Variants in CYB5R4 observed in about 807,000 individuals in gnomAD.
The protein encoded by CYB5R4 is N-terminal cytochrome b5 and cytochrome b5 oxidoreductase domain-containing protein.
Under a neutral mutation model 70.2 loss-of-function variants are expected in CYB5R4, and 55 were observed. That is an observed-to-expected ratio of 0.78 (90% CI 0.63 to 0.98). CYB5R4 has a LOEUF of 0.98. CYB5R4 is among the 50% of genes least tolerant of loss of function. The pLI, the probability that CYB5R4 is intolerant of heterozygous loss-of-function variation, is 0.00. For missense variants in CYB5R4, 562 were observed against 612.6 expected, an observed-to-expected ratio of 0.92 and a Z score of 0.87; for synonymous variants, 197 against 199.5, an observed-to-expected ratio of 0.99 and a Z score of 0.11.
intron 12 of CYB5R4, among the ~76,000 whole-genome samples, chr6:83,939,518 G>C (rs1056663022): frequency 3.9e-5 from 6 of 152,122 alleles, no homozygotes; most frequent in Non-Finnish European, 7.4e-5. Flanking sequence ...CAAAAATTTG[G>C]TAGAAGAGAA....
intron 2 of CYB5R4, among the ~76,000 whole-genome samples, chr6:83,865,611 T>C (rs1245986695): frequency 1.3e-5 from 2 of 152,158 alleles, no homozygotes; most frequent in Non-Finnish European, 2.9e-5. Context: ...ACCCTAATCA[T>C]ACTCGATTAG....
chr6:83,908,399 A>G (rs922758091), intron 3 of CYB5R4, among the ~76,000 whole-genome samples: 6 of 152,194 alleles, frequency 3.9e-5, no homozygotes, highest in African/African-American at 1.2e-4. Flanking sequence ...AAATCAAACA[A>G]TCACCTAAGT....
rs144658748 is a variant in CYB5R4 at position 83,917,938 on chromosome 6, G to T, written c.446-67G>T. 2.5e-6 allele frequency: 3 copies of T among 1,211,670 alleles called. No individual in the cohort carries two copies. In the African/African-American group the frequency reaches 4.5e-5, roughly 18 times the overall value. The allele number at this position is 1,211,670 out of a possible 1,614,324, so 75.1% of individuals were successfully genotyped here. A position where few individuals can be genotyped will look rare whatever the true frequency, so the allele number is the denominator to read the frequency against. On this transcript the variant is annotated intron_variant, in intron 5 of 15. Coordinates refer to ENST00000369681, the MANE Select transcript of CYB5R4 (RefSeq NM_016230.4). ...AATATATGTGATATTTCACTAAGAA[G>T]TTAACTTAAAAGACAAAAAGTTAAA... is the stretch of plus-strand genomic sequence containing the variant.
At chr6:83,910,064 C>T (rs1297666579) in intron 4 of CYB5R4, 16 of 1,612,262 alleles carry the variant, frequency 9.9e-6, no homozygotes, top group Non-Finnish European at 1.3e-5. Context: ...TTGGTTCATC[C>T]TAGGCAAACT....
At chr6:83,910,488 T>C (rs2099464510) in intron 4 of CYB5R4, among the ~76,000 whole-genome samples, 1 of 152,114 alleles carries the variant, frequency 6.6e-6, no homozygotes, top group Non-Finnish European at 1.5e-5. Flanking sequence ...GCCAGAAAGA[T>C]TTAAGGGAAA....
At position 83,962,323 on chromosome 6, in the gene CYB5R4, A is replaced by G. The variant is rs1191441522; in HGVS notation, c.*2445A>G. The stretch of plus-strand genomic sequence containing the variant: ...AGGACTTGGAGGAAAAAATCCCCTA[A>G]GTAGAGCCTCAGTCTTCCAATGAAT... On this transcript the variant is annotated 3_prime_UTR_variant, in exon 16 of 16. Transcript: ENST00000369681. 1.3e-5 allele frequency: 2 copies of G among 152,146 alleles called. No homozygotes were observed. The highest frequency in any genetic ancestry group is 2.9e-5 in the Non-Finnish European group (2 of 68,028). The allele number at this position is 152,146 out of a possible 1,614,324, so 9.4% of individuals were successfully genotyped here.
chr6:83,878,383 T>G (rs1032253406), intron 2 of CYB5R4, among the ~76,000 whole-genome samples: 14 of 152,074 alleles, frequency 9.2e-5, no homozygotes, highest in Non-Finnish European at 1.6e-4. Context: ...AGTCCTGCTC[T>G]GTCACCCAGG....
At chr6:83,892,765 CT>C (rs898420269) in intron 2 of CYB5R4, among the ~76,000 whole-genome samples, 3 of 151,902 alleles carry the variant, frequency 2.0e-5, no homozygotes, top group African/African-American at 7.3e-5. Context: ...GAGCTTGATT[CT>C]TTTTTCATCA....
intron 13 of CYB5R4, 104 bp from the exon 14 acceptor site, chr6:83,940,411 A>G: frequency 8.8e-7 from 1 of 1,140,350 alleles, no homozygotes; most frequent in Non-Finnish European, 1.2e-6. Flanking sequence ...TTAGTTACCT[A>G]CTGGGCACTA....
chr6:83,937,336 AG>A (rs1186852340), intron 12 of CYB5R4, among the ~76,000 whole-genome samples: 1 of 152,062 alleles, frequency 6.6e-6, no homozygotes, highest in Non-Finnish European at 1.5e-5. Flanking sequence ...CACTTTATGG[AG>A]CCCTCCTCTT....
At chr6:83,892,512 A>G (rs2099461260) in intron 2 of CYB5R4, among the ~76,000 whole-genome samples, 1 of 152,202 alleles carries the variant, frequency 6.6e-6, no homozygotes, top group African/African-American at 2.4e-5. Context: ...TCAAGAATGA[A>G]AAAGCAACTT....
At chr6:83,891,264 T>C (rs1025318487) in intron 2 of CYB5R4, among the ~76,000 whole-genome samples, 1 of 152,224 alleles carries the variant, frequency 6.6e-6, no homozygotes, top group Non-Finnish European at 1.5e-5. Context: ...AACTTTCATA[T>C]GCACTGGGAA....
intron 10 of CYB5R4, among the ~76,000 whole-genome samples, chr6:83,926,558 G>A (rs2099467317): frequency 6.6e-6 from 1 of 151,922 alleles, no homozygotes; most frequent in Non-Finnish European, 1.5e-5. Flanking sequence ...AAAAATACCA[G>A]TCACAATGAA....
intron 12 of CYB5R4, 47 bp from the exon 13 acceptor site, chr6:83,940,009 T>G: frequency 1.4e-6 from 2 of 1,426,034 alleles, no homozygotes; most frequent in Non-Finnish European, 1.9e-6. Context: ...TTTTGTTTTG[T>G]TTTTTGTTTT....
At chr6:83,896,962 A>G (rs142640101) in intron 3 of CYB5R4, among the ~76,000 whole-genome samples, 1 of 151,636 alleles carries the variant, frequency 6.6e-6, no homozygotes, top group African/African-American at 2.4e-5. Context: ...CACAATGTGC[A>G]GGTTTGTTAC....
intron 15 of CYB5R4, among the ~76,000 whole-genome samples, chr6:83,957,808 A>G (rs952618099): frequency 6.6e-6 from 1 of 152,230 alleles, no homozygotes; most frequent in East Asian, 1.9e-4. Context: ...ATAGAGTTGC[A>G]TTCTGAGATG....
intron 1 of CYB5R4, 27 bp from the exon 2 acceptor site, chr6:83,864,148 T>G (rs2099456405): frequency 6.5e-7 from 1 of 1,534,036 alleles, no homozygotes; most frequent in South Asian, 1.3e-5. Context: ...TGAAGCTAGA[T>G]TTAATTCTTC....
chr6:83,934,512 C>A, intron 10 of CYB5R4, 83 bp from the exon 11 acceptor site: 1 of 918,660 alleles, frequency 1.1e-6, no homozygotes, highest in Non-Finnish European at 1.6e-6. Flanking sequence ...AAAACAGAAG[C>A]TGAGTATATG....
intron 13 of CYB5R4, 83 bp downstream of exon 13, chr6:83,940,289 C>A: frequency 7.8e-7 from 1 of 1,283,930 alleles, no homozygotes; most frequent in Non-Finnish European, 1.1e-6. Flanking sequence ...ACTCACTGGA[C>A]CTTAATAGAC....
Sources: allele counts gnomAD v4.1 joint callset (sites outside exome capture counted in the v4.1 genomes callset), GRCh38; gene constraint gnomAD v4.1.1; transcripts MANE v1.5; gene names NCBI Gene and HGNC (gene_info 2026-07-23, HGNC 2026-07-21).